UBE2V2: variants seen among roughly 807,000 people sequenced by gnomAD.
UBE2V2 encodes the protein ubiquitin-conjugating enzyme E2 variant 2.
Under a neutral mutation model 17.2 loss-of-function variants are expected in UBE2V2, and 9 were observed. The ratio of observed to expected loss-of-function variants is 0.52; its 90% confidence interval spans 0.32 to 0.91. The LOEUF (loss-of-function observed/expected upper bound fraction) is 0.91. UBE2V2 is among the 40% of genes least tolerant of loss of function. The probability of loss-of-function intolerance (pLI) is 0.04; values close to 1 mark genes in which losing one functional copy is unlikely to be tolerated. For synonymous variants in UBE2V2, 61 were observed against 57.5 expected (o/e 1.06, Z -0.28); for missense variants, 133 against 182.6 (o/e 0.73, Z 1.56).
At chr8:48,023,607 T>C (rs1247048756) in intron 1 of UBE2V2, among the ~76,000 whole-genome samples, 1 of 152,044 alleles carries the variant, frequency 6.6e-6, no homozygotes, top group African/African-American at 2.4e-5. Context: ...AGTAGTGGCT[T>C]ACGCCTGTAA....
intron 3 of UBE2V2, among the ~76,000 whole-genome samples, chr8:48,055,616 A>C (rs1025308427): frequency 6.6e-6 from 1 of 152,114 alleles, no homozygotes; most frequent in Non-Finnish European, 1.5e-5. Flanking sequence ...GTAAAATTCA[A>C]GGGTTTTTAG....
Position 48,051,740 on chromosome 8 carries a change from C to T in UBE2V2, c.291+1762C>T, listed in dbSNP as rs183233101. On this transcript the variant is annotated intron_variant, in intron 3 of 3. Transcript: ENST00000523111. ...CCTGCCCCTCAACCCCAACCTAATA[C>T]GCAGGTCTGAGGCGGGGCCCCAGAT... 7.9e-5 allele frequency among the ~76,000 whole-genome samples: 12 copies of T among 152,284 alleles called. No homozygotes were observed. The East Asian group carries it at 1.7e-3, about 22-fold the overall frequency.
chr8:48,051,422 C>G (rs45569733), intron 3 of UBE2V2, among the ~76,000 whole-genome samples: 149 of 152,226 alleles, frequency 9.8e-4, no homozygotes, highest in Non-Finnish European at 1.8e-3. Flanking sequence ...CCTCTCTCTA[C>G]CAGTGTATTT....
intron 3 of UBE2V2, among the ~76,000 whole-genome samples, chr8:48,050,767 A>G (rs1047702522): frequency 2.6e-5 from 4 of 151,744 alleles, no homozygotes; most frequent in African/African-American, 9.7e-5. Flanking sequence ...ATTTGGTGGG[A>G]TTAAAAGGAT....
intron 1 of UBE2V2, among the ~76,000 whole-genome samples, chr8:48,014,701 G>A (rs2154506754): frequency 6.7e-6 from 1 of 149,446 alleles, no homozygotes; most frequent in African/African-American, 2.5e-5. Flanking sequence ...TTAATATTTA[G>A]TATGTCATAA....
At chr8:48,058,202 C>T (rs2091585331) in intron 3 of UBE2V2, among the ~76,000 whole-genome samples, 1 of 152,124 alleles carries the variant, frequency 6.6e-6, no homozygotes, top group South Asian at 2.1e-4. Context: ...GGCGTGGTGG[C>T]TCATGCCTGT....
chr8:48,044,720 C>G (rs1210220550), intron 2 of UBE2V2, among the ~76,000 whole-genome samples: 2 of 152,058 alleles, frequency 1.3e-5, no homozygotes, highest in African/African-American at 2.4e-5. Context: ...CTGTGAACAT[C>G]ATTACTGTGG....
At chr8:48,012,643 G>T (rs960058073) in intron 1 of UBE2V2, among the ~76,000 whole-genome samples, 28 of 151,774 alleles carry the variant, frequency 1.8e-4, no homozygotes, top group Non-Finnish European at 2.4e-4. Context: ...TCTTGAACCC[G>T]GGAGGCAGAG....
intron 3 of UBE2V2, among the ~76,000 whole-genome samples, chr8:48,056,652 A>G (rs2091573709): frequency 1.3e-5 from 2 of 150,932 alleles, no homozygotes; most frequent in Admixed American, 1.3e-4. Context: ...TATCTCTCCC[A>G]AAGTATTGGG....
At chr8:48,060,564 G>A in intron 3 of UBE2V2, 118 bp from the exon 4 acceptor site, 1 of 899,758 alleles carries the variant, frequency 1.1e-6, no homozygotes, top group Non-Finnish European at 1.5e-6. Flanking sequence ...TGTATGTTTT[G>A]TGAAAATAGA....
intron 1 of UBE2V2, among the ~76,000 whole-genome samples, chr8:48,031,070 G>A (rs561747555): frequency 1.3e-5 from 2 of 151,980 alleles, no homozygotes; most frequent in Non-Finnish European, 2.9e-5. Context: ...TTAGCCAGGT[G>A]TGGTGGCAGG....
Position 48,049,974 on chromosome 8 carries a change from G to A in UBE2V2, c.287G>A (p.Gly96Glu). ...INMNGINNSS[G>E]MVDARSIPVL... ...ATGAACGGAATAAATAATTCCAGTG[G>A]GATGGTAAGTTAATATAGTCATTTT... Residue 96 changes from glycine (G) to glutamate (E), a missense_variant, in exon 3 of 4, where the codon GGG becomes GAG. By Grantham distance (98) the Gly-to-Glu change is moderately conservative. Transcript: ENST00000523111. 1 of 1,537,600 alleles carries A rather than the reference G, an allele frequency of 6.5e-7. No homozygotes were observed. Among genetic ancestry groups the A allele is most frequent in the Non-Finnish European group, 8.7e-7 (1 of 1,143,268 alleles).
intron 3 of UBE2V2, among the ~76,000 whole-genome samples, chr8:48,059,935 G>A (rs1330798078): frequency 1.3e-5 from 2 of 152,006 alleles, no homozygotes; most frequent in Non-Finnish European, 2.9e-5. Context: ...GTCGGGTGCC[G>A]TGGTTCATGC....
chr8:48,008,547 C>G lies in UBE2V2; in HGVS notation c.16+77C>G, dbSNP rs1369158531. ...CCTCCGTCTGCTGCTGGCGCCCGAG[C>G]GCTGACCGTGCGGGAGAAGCCCGAG... On this transcript the variant is annotated intron_variant, in intron 1 of 3. Transcript: ENST00000523111. 3.3e-6 allele frequency: 5 copies of G among 1,501,020 alleles called. No individual in the cohort carries two copies. In the Admixed American group the frequency reaches 9.6e-5, roughly 29 times the overall value. The allele number at this position is 1,501,020 out of a possible 1,614,324, so 93.0% of individuals were successfully genotyped here. A position where few individuals can be genotyped will look rare whatever the true frequency, so the allele number is the denominator to read the frequency against.
chr8:48,005,705 A>T (rs979105539), upstream of UBE2V2, among the ~76,000 whole-genome samples: 1 of 152,250 alleles, frequency 6.6e-6, no homozygotes, highest in East Asian at 1.9e-4. Context: ...TTTAATGATC[A>T]CCATTCTACC....
intron 1 of UBE2V2, among the ~76,000 whole-genome samples, chr8:48,022,385 C>T (rs999572998): frequency 1.3e-5 from 2 of 152,146 alleles, no homozygotes; most frequent in Admixed American, 6.6e-5. Flanking sequence ...ATCCACCTGC[C>T]TTGGCCTCTC....
chr8:48,000,821 CAAA>C, the UBE2V2 span, among the ~76,000 whole-genome samples: 2 of 20,526 alleles, frequency 9.7e-5, no homozygotes, highest in African/African-American at 3.1e-4. Context: ...GACTTTGCCT[CAAA>C]AAAAAAAAAA....
At chr8:48,011,382 T>C (rs960391010) in intron 1 of UBE2V2, among the ~76,000 whole-genome samples, 1 of 152,160 alleles carries the variant, frequency 6.6e-6, no homozygotes, top group Non-Finnish European at 1.5e-5. Flanking sequence ...TTCACCATGT[T>C]GGCCAGGCTG....
intron 1 of UBE2V2, chr8:48,034,913 C>A: frequency 5.9e-6 from 3 of 508,780 alleles, no homozygotes; most frequent in Non-Finnish European, 7.6e-6. Flanking sequence ...GGCTTGTTGC[C>A]CGGGACGCCT....
Sources: gnomAD v4.1 joint callset for allele counts (sites outside exome capture counted in the v4.1 genomes callset) on GRCh38, gnomAD v4.1.1 for gene constraint, MANE v1.5 for transcripts, NCBI Gene and HGNC (gene_info 2026-07-23, HGNC 2026-07-21) for gene names.